CSNK1E: variants seen among roughly 807,000 people sequenced by gnomAD.
CSNK1E encodes the protein casein kinase I isoform epsilon.
CSNK1E carries 17 observed loss-of-function variants against 46.1 expected under a neutral mutation model. The ratio of observed to expected loss-of-function variants is 0.37; its 90% CI spans 0.25 to 0.55. The LOEUF (loss-of-function observed/expected upper bound fraction) is 0.55. Ranked by LOEUF, CSNK1E falls within the 20% of genes least tolerant of loss-of-function variation. CSNK1E has a pLI of 0.82. For synonymous variants in CSNK1E, 241 were observed against 242.6 expected (o/e 0.99, Z 0.06); for missense variants, 386 against 595.4 (o/e 0.65, Z 3.66).
At position 38,298,144 on chromosome 22, in the gene CSNK1E, GA is replaced by G; in HGVS notation, c.885+641del. ...CAGCACAGGGACAGGGGCGGGGACA[GA>G]AAGGTCCCTTCGCTGTCATGGGGCT... On this transcript the variant is annotated intron_variant, in intron 7 of 10. Transcript: ENST00000396832. This position sits in a 1 kb window ranked among gnomAD's most constrained non-coding sequence, Gnocchi z 4.2. 1 of 1,298,262 alleles carries G rather than the reference GA, an allele frequency of 7.7e-7. No homozygotes were observed. The highest frequency in any genetic ancestry group is 1.0e-6 in the Non-Finnish European group (1 of 985,650). The allele number at this position is 1,298,262 out of a possible 1,614,324, so 80.4% of individuals were successfully genotyped here. A position where few individuals can be genotyped will look rare whatever the true frequency, so the allele number is the denominator to read the frequency against.
In CSNK1E at chr22:38,314,147, C is replaced by T. The variant is rs373100204; in HGVS notation, c.11G>A (p.Arg4His). 8.1e-6 allele frequency: 13 copies of T among 1,614,072 alleles called. No homozygotes were observed. The highest frequency in any genetic ancestry group is 2.2e-5 in the East Asian group (1 of 44,880). Residue 4 changes from arginine to histidine, a missense_variant, in exon 2 of 11, where the codon CGT becomes CAT. Arg to His is a conservative substitution (Grantham distance 29). Transcript: ENST00000396832. MEL[R>H]VGNKYRLGRK... Reference sequence around the variant, plus strand: ...TCCCAGGCGGTACTTGTTCCCCACACGTAGCTCCATGGCTCACTCTTGCTG... The same window carrying T: ...TCCCAGGCGGTACTTGTTCCCCACATGTAGCTCCATGGCTCACTCTTGCTG...
At chr22:38,308,321 C>G (rs1246229450) in intron 2 of CSNK1E, among the ~76,000 whole-genome samples, 1 of 152,172 alleles carries the variant, frequency 6.6e-6, no homozygotes, top group African/African-American at 2.4e-5. Context: ...TTTGACACAT[C>G]AATGCTCGTC....
At chr22:38,316,116 T>A (rs565106863) in intron 1 of CSNK1E, among the ~76,000 whole-genome samples, 1 of 149,054 alleles carries the variant, frequency 6.7e-6, no homozygotes, top group African/African-American at 2.5e-5. Flanking sequence ...GGGGGGGAGA[T>A]AAACAAAGTG....
intron 1 of CSNK1E, chr22:38,316,896 G>T (rs530117187): frequency 6.6e-6 from 1 of 152,060 alleles, no homozygotes; most frequent in African/African-American, 2.4e-5. Context: ...GGGCCCAGCG[G>T]GGGGAAGCGG....
intron 2 of CSNK1E, among the ~76,000 whole-genome samples, chr22:38,304,013 G>A (rs984327572): frequency 1.3e-5 from 2 of 152,164 alleles, no homozygotes; most frequent in African/African-American, 2.4e-5. Context: ...CTCTGCCTGG[G>A]CCCACTGCCC....
chr22:38,295,094 C>T (rs1467810833), intron 7 of CSNK1E, among the ~76,000 whole-genome samples: 1 of 152,198 alleles, frequency 6.6e-6, no homozygotes, highest in African/African-American at 2.4e-5. Context: ...GTCCTTCCCC[C>T]TGCCGGGACC....
At chr22:38,302,796 G>A in intron 4 of CSNK1E, 65 bp downstream of exon 4, 2 of 1,586,882 alleles carry the variant, frequency 1.3e-6, no homozygotes, top group Non-Finnish European at 1.7e-6. Flanking sequence ...TCTGGGGGCA[G>A]GAGGCAGGGC....
chr22:38,304,659 C>A lies in CSNK1E; in HGVS notation c.77-1411G>T, dbSNP rs5750584. On this transcript the variant is annotated intron_variant, in intron 2 of 10. Coordinates refer to ENST00000396832, the MANE Select transcript of CSNK1E (RefSeq NM_152221.3). ...AAAGGATGCCTGCTTCACACAATGA[C>A]CCTGGTCCCAGGGGTGCACTCCTCA... is the stretch of plus-strand genomic sequence containing the variant. Among the ~76,000 whole-genome samples the A allele has an allele frequency of 4.7e-4, 71 of 152,280 alleles. No homozygotes were observed. The East Asian group carries it at 0.013, about 28-fold the overall frequency.
chr22:38,312,849 G>A (rs958727114), intron 2 of CSNK1E, among the ~76,000 whole-genome samples: 6 of 152,200 alleles, frequency 3.9e-5, no homozygotes, highest in Non-Finnish European at 7.3e-5. Flanking sequence ...AGAGCTAGAC[G>A]TCTAACGTCT....
chr22:38,300,618 A>G lies in CSNK1E; in HGVS notation c.565+106T>C. 1 of 1,115,958 alleles carries G rather than the reference A, an allele frequency of 9.0e-7. No homozygotes were observed. Among genetic ancestry groups the G allele is most frequent in the South Asian group, 1.5e-5 (1 of 67,460 alleles). The allele number at this position is 1,115,958 out of a possible 1,614,324, so 69.1% of individuals were successfully genotyped here. ...ACGGGGTGGGGACTTTCTCACTAGA[A>G]AAGAGCCTGGGGGCCTCCATCAGGG... On this transcript the variant is annotated intron_variant, in intron 5 of 10. Transcript: ENST00000396832. This position sits in a 1 kb window ranked among gnomAD's most constrained non-coding sequence, Gnocchi z 4.4.
intron 9 of CSNK1E, 146 bp downstream of exon 9, chr22:38,293,963 G>T: frequency 1.0e-6 from 1 of 962,610 alleles, no homozygotes; most frequent in Non-Finnish European, 1.5e-6. Context: ...ATTAAATGAG[G>T]CCAAGTCCTG....
rs1003847361 is a variant in CSNK1E, at chr22:38,290,801, G to GT, written c.*1169dup. The GT allele has an allele frequency of 0.019, 2,583 of 135,600 alleles. 59 individuals are homozygous for GT. Among genetic ancestry groups the GT allele is most frequent in the African/African-American group, 0.044 (1,618 of 36,948 alleles). The allele number at this position is 135,600 out of a possible 1,614,324, so 8.4% of individuals were successfully genotyped here. A position where few individuals can be genotyped will look rare whatever the true frequency, so the allele number is the denominator to read the frequency against. ...ACAAAATTCCCCCCAAAGTTCTTCAGTTTTTTTTTTTTCAGTTTTTTAAAT... is the reference window on the plus strand; with the variant it reads ...ACAAAATTCCCCCCAAAGTTCTTCAGTTTTTTTTTTTTTCAGTTTTTTAAAT... On this transcript the variant is annotated 3_prime_UTR_variant, in exon 11 of 11. Coordinates refer to ENST00000396832, the MANE Select transcript of CSNK1E (RefSeq NM_152221.3).
chr22:38,307,439 C>T (rs2092703262), intron 2 of CSNK1E, among the ~76,000 whole-genome samples: 1 of 151,906 alleles, frequency 6.6e-6, no homozygotes, highest in African/African-American at 2.4e-5. Flanking sequence ...GTAATCCCAG[C>T]TCTCAGGAGG....
At chr22:38,295,321 G>A (rs772539824) in intron 7 of CSNK1E, 6 of 633,930 alleles carry the variant, frequency 9.5e-6, no homozygotes, top group Non-Finnish European at 1.2e-5. Flanking sequence ...TGCCGCCCCT[G>A]GTGCAGGAGG....
intron 2 of CSNK1E, among the ~76,000 whole-genome samples, chr22:38,313,871 T>C (rs1213317951): frequency 6.6e-6 from 1 of 152,162 alleles, no homozygotes; most frequent in Non-Finnish European, 1.5e-5. Flanking sequence ...GAGCTAAAAA[T>C]ACCCTCCAGT....
intron 2 of CSNK1E, among the ~76,000 whole-genome samples, chr22:38,305,103 C>CT (rs2092691987): frequency 9.1e-6 from 1 of 110,030 alleles, no homozygotes; most frequent in African/African-American, 3.6e-5. Context: ...GCCTGGGTGA[C>CT]GGAGTGAAAC....
rs796603454 is a variant in CSNK1E, at chr22:38,314,773, G to A, written c.-12-604C>T. ...AGAGGGCCCTCATAGAACAACAAAG[G>A]GGACTGAGCCAGGGTTTTAGCCGCC... On this transcript the variant is annotated intron_variant, in intron 1 of 10. Transcript: ENST00000396832. Among the ~76,000 whole-genome samples the A allele has an allele frequency of 4.6e-5, 7 of 152,310 alleles. 1 individual carries two copies. The East Asian group carries it at 1.4e-3, about 29-fold the overall frequency.
intron 2 of CSNK1E, among the ~76,000 whole-genome samples, chr22:38,312,811 C>T (rs1018628073): frequency 6.6e-6 from 1 of 152,330 alleles, no homozygotes; most frequent in East Asian, 1.9e-4. Context: ...GACCTTCCCA[C>T]AGCCACACAA....
rs1321965887 is a variant in CSNK1E at position 38,309,810 on chromosome 22, C to A, written c.76+4272G>T. On this transcript the variant is annotated intron_variant, in intron 2 of 10. Transcript: ENST00000396832. This position sits in a 1 kb window ranked among gnomAD's most constrained non-coding sequence, Gnocchi z 4.8. Reference sequence around the variant, plus strand: ...AAACAGACACCAAAGGTCAAATGATCATATGCTACAAACTTCCCAGGGACA... The same window carrying A: ...AAACAGACACCAAAGGTCAAATGATAATATGCTACAAACTTCCCAGGGACA... Among the ~76,000 whole-genome samples the A allele has an allele frequency of 6.6e-6, 1 of 152,212 alleles. No homozygotes were observed. Among genetic ancestry groups the A allele is most frequent in the Admixed American group, 6.5e-5 (1 of 15,280 alleles).
Sources: gnomAD v4.1 joint callset for allele counts (sites outside exome capture counted in the v4.1 genomes callset) on GRCh38, gnomAD v4.1.1 for gene constraint, Gnocchi (gnomAD v3.1) non-coding constraint, MANE v1.5 for transcripts, NCBI Gene and HGNC (gene_info 2026-07-23, HGNC 2026-07-21) for gene names.